The following TRIM65 variants were observed in gnomAD, a reference collection of about 807,000 sequenced individuals.
TRIM65 encodes tripartite motif containing 65.
TRIM65 carries 46 observed loss-of-function variants against 36.1 expected under a neutral mutation model. That is an observed-to-expected ratio of 1.27 (90% CI 1.01 to 1.63). The LOEUF is 1.63. Ranked by LOEUF, TRIM65 falls within the 40% of genes most tolerant of loss-of-function variation. The pLI, the probability that TRIM65 is intolerant of heterozygous loss-of-function variation, is 0.00. For missense variants in TRIM65, 708 were observed against 696.6 expected, an observed-to-expected ratio of 1.02 and a Z score of -0.18; for synonymous variants, 346 against 313.6, an observed-to-expected ratio of 1.10 and a Z score of -1.09.
chr17:75,892,071 G>C lies in TRIM65; in HGVS notation c.859C>G (p.Leu287Val). Residue 287 changes from leucine to valine, a missense_variant, in exon 4 of 6, where the codon CTC becomes GTC. Coordinates refer to ENST00000269383, the MANE Select transcript of TRIM65 (RefSeq NM_173547.4). ...KQLLSRLCGL[L>V]LEEGSHPGAP... ...CCAGGGTGGCTCCCCTCTTCCAAGA[G>C]GAGGCCACACAGCCGGCTTAGCAAC... The C allele has an allele frequency of 1.3e-6, 2 of 1,552,044 alleles. No individual in the cohort carries two copies. Among genetic ancestry groups the C allele is most frequent in the Non-Finnish European group, 1.7e-6 (2 of 1,147,230 alleles).
At chr17:75,896,216 C>T (rs1263667903) in intron 1 of TRIM65, among the ~76,000 whole-genome samples, 1 of 152,194 alleles carries the variant, frequency 6.6e-6, no homozygotes, top group Non-Finnish European at 1.5e-5. Context: ...CCACCACGCC[C>T]GGCTAACTTT....
chr17:75,882,783 A>G (rs1462375407), intron 4 of TRIM65, among the ~76,000 whole-genome samples: 1 of 150,486 alleles, frequency 6.6e-6, no homozygotes, highest in Non-Finnish European at 1.5e-5. Context: ...TGCAGCTTGA[A>G]TAATTATAAA....
intron 1 of TRIM65, among the ~76,000 whole-genome samples, chr17:75,894,289 C>A (rs1317355658): frequency 6.6e-6 from 1 of 152,204 alleles, no homozygotes; most frequent in Non-Finnish European, 1.5e-5. Flanking sequence ...CACGCCTTAG[C>A]CCCAGGCCTC....
chr17:75,886,190 G>A (rs1349699969), downstream of TRIM65, among the ~76,000 whole-genome samples: 2 of 152,160 alleles, frequency 1.3e-5, no homozygotes, highest in Non-Finnish European at 2.9e-5. Context: ...TACCATGATT[G>A]TGAGGCCTCC....
At position 75,896,932 on chromosome 17, in the gene TRIM65, G is replaced by T. The variant is rs113111567; in HGVS notation, c.6C>A (p.Ala2=). M[A]AQLLEEKLTC... The stretch of plus-strand genomic sequence containing the variant: ...TCAGCTTCTCCTCCAGCAGCTGCGC[G>T]GCCATGGCCCGGCGGCGGCGAGAGC... Residue 2 remains alanine (A), a synonymous_variant, in exon 1 of 6, where the codon GCC becomes GCA. Coordinates refer to ENST00000269383, the MANE Select transcript of TRIM65 (RefSeq NM_173547.4). 19 of 1,496,070 alleles carry T rather than the reference G, an allele frequency of 1.3e-5. No individual in the cohort carries two copies. Among genetic ancestry groups the T allele is most frequent in the Non-Finnish European group, 1.7e-5 (19 of 1,127,954 alleles). 92.7% of individuals were successfully genotyped at this position (1,496,070 alleles called of 1,614,324 possible). A position where few individuals can be genotyped will look rare whatever the true frequency, so the allele number is the denominator to read the frequency against.
intron 4 of TRIM65, among the ~76,000 whole-genome samples, chr17:75,881,235 CAAAAAAAAAA>C (rs58718762): frequency 9.1e-6 from 1 of 110,274 alleles, no homozygotes; most frequent in Non-Finnish European, 1.9e-5. Flanking sequence ...GACTCCATCT[CAAAAAAAAAA>C]AAAAAAAAAA....
At chr17:75,881,235 C>CAAAAAAAAAAAAAAAAAAAAAAAAAA (rs58718762) in intron 4 of TRIM65, among the ~76,000 whole-genome samples, 1 of 110,268 alleles carries the variant, frequency 9.1e-6, no homozygotes, top group Non-Finnish European at 1.9e-5. Context: ...GACTCCATCT[C>CAAAAAAAAAAAAAAAAAAAAAAAAAA]AAAAAAAAAA....
At position 75,891,129 on chromosome 17, in the gene TRIM65, G is replaced by A. The variant is rs2065259202; in HGVS notation, c.1204C>T (p.Pro402Ser). Residue 402 changes from proline to serine, a missense_variant, in exon 6 of 6, where the codon CCG (proline) becomes TCG (serine). Coordinates refer to ENST00000269383, the MANE Select transcript of TRIM65 (RefSeq NM_173547.4). ...CCCAGCCTGCACCGTGGCAGTTGCG[G>A]GTAGGAGACGCCCAGTGTCACCGAG... is the stretch of plus-strand genomic sequence containing the variant. ...DHSVTLGVSY[P>S]QLPRCRLGPH... 1.2e-6 allele frequency: 2 copies of A among 1,608,440 alleles called. No homozygotes were observed. The highest frequency in any genetic ancestry group is 1.7e-6 in the Non-Finnish European group (2 of 1,179,912).
At chr17:75,886,336 C>T (rs1273887842), downstream of TRIM65, among the ~76,000 whole-genome samples, 3 of 151,864 alleles carry the variant, frequency 2.0e-5, no homozygotes, top group African/African-American at 4.8e-5. Context: ...TCCTGGCTAA[C>T]GTGGTGAAAC....
At position 75,890,911 on chromosome 17, in the gene TRIM65, C is replaced by T; in HGVS notation, c.1422G>A (p.Leu474=). 6.5e-7 allele frequency: 1 copy of T among 1,549,796 alleles called. No homozygotes were observed. The highest frequency in any genetic ancestry group is 8.7e-7 in the Non-Finnish European group (1 of 1,147,904). ...FYSLEPQTQP[L]YTFHALFNQP... is the part of the protein sequence containing the mutation. The stretch of plus-strand genomic sequence containing the variant: ...GGTTGAAGAGGGCATGGAAGGTGTA[C>T]AGGGGCTGGGTCTGGGGCTCCAGGC... Residue 474 remains leucine (L), a synonymous_variant, in exon 6 of 6, where the codon CTG becomes CTA. Transcript: ENST00000269383.
At chr17:75,886,549 A>G (rs993073331), downstream of TRIM65, among the ~76,000 whole-genome samples, 1 of 150,752 alleles carries the variant, frequency 6.6e-6, no homozygotes, top group Admixed American at 6.6e-5. Context: ...AAAACCAAAA[A>G]CGTCTTTCCT....
chr17:75,883,103 A>G (rs1599443274), intron 4 of TRIM65, among the ~76,000 whole-genome samples: 1 of 146,932 alleles, frequency 6.8e-6, no homozygotes, highest in Non-Finnish European at 1.5e-5. Flanking sequence ...CCCTAACAGC[A>G]CTTCCTTTTC....
rs953531877 is a variant in TRIM65 at position 75,892,794 on chromosome 17, G to A, written c.471C>T (p.Gly157=). The change falls in exon 2 of 6, where the codon GGC becomes GGT. Residue 157 remains glycine (G), a synonymous_variant. Transcript: ENST00000269383. ...TTTGCTTGCGCAGCTCTAGTAGCTG[G>A]CCTTCGGCCTGGGTGGCCTGCTGCT... ...VTQQQATQAE[G]QLLELRKQSS... 20 of 1,604,386 alleles carry A rather than the reference G, an allele frequency of 1.2e-5. No homozygotes were observed. The African/African-American group carries it at 2.7e-4, about 21-fold the overall frequency.
At chr17:75,894,221 C>T (rs1030568824) in intron 1 of TRIM65, among the ~76,000 whole-genome samples, 23 of 152,202 alleles carry the variant, frequency 1.5e-4, no homozygotes, top group Non-Finnish European at 2.9e-5. Flanking sequence ...GCCCATCAGG[C>T]CTCCTGGCCA....
intron 1 of TRIM65, among the ~76,000 whole-genome samples, chr17:75,895,640 A>C (rs1430263195): frequency 6.6e-6 from 1 of 152,202 alleles, no homozygotes; most frequent in Non-Finnish European, 1.5e-5. Context: ...CTCACATGCC[A>C]GCCTGAAGGC....
At chr17:75,886,658 C>G (rs953798572), downstream of TRIM65, among the ~76,000 whole-genome samples, 1 of 152,128 alleles carries the variant, frequency 6.6e-6, no homozygotes, top group African/African-American at 2.4e-5. Context: ...ATCCAGCTGG[C>G]CTGTGAGGTC....
chr17:75,882,920 G>C (rs1337524186), intron 4 of TRIM65, among the ~76,000 whole-genome samples: 2 of 149,226 alleles, frequency 1.3e-5, no homozygotes, highest in African/African-American at 2.6e-5. Context: ...GCCAAGGCAC[G>C]AGGACTTGAG....
At chr17:75,892,692 G>GC in intron 2 of TRIM65, 63 bp downstream of exon 2, 2 of 1,486,344 alleles carry the variant, frequency 1.3e-6, no homozygotes. Context: ...CCAGGGACCA[G>GC]CTGGTGGCCG....
intron 1 of TRIM65, among the ~76,000 whole-genome samples, chr17:75,894,751 A>G (rs1284968448): frequency 1.3e-5 from 2 of 152,136 alleles, no homozygotes; most frequent in African/African-American, 4.8e-5. Flanking sequence ...GGATGGTCTC[A>G]ATCTCCTGAC....
Sources: allele counts gnomAD v4.1 joint callset (sites outside exome capture counted in the v4.1 genomes callset), GRCh38; gene constraint gnomAD v4.1.1; transcripts MANE v1.5; gene names NCBI Gene and HGNC (gene_info 2026-07-23, HGNC 2026-07-21).